The following DIAPH2 variants were observed in gnomAD, a reference collection of about 807,000 sequenced individuals.
DIAPH2 encodes protein diaphanous homolog 2.
DIAPH2 carries 35 observed loss-of-function variants against 92.7 expected under a neutral mutation model. The ratio of observed to expected loss-of-function variants is 0.38; its 90% confidence interval spans 0.29 to 0.50. DIAPH2 has a LOEUF of 0.50. Among genes scored for constraint, DIAPH2 ranks in the 20% least tolerant of loss-of-function variants. DIAPH2 has a pLI of 0.94. For missense variants in DIAPH2, 701 were observed against 819.5 expected (o/e 0.86, Z 1.77); for synonymous variants, 301 against 280.4 (o/e 1.07, Z -0.73).
At chrX:96,767,737 T>C (rs1430184406) in intron 4 of DIAPH2, among the ~76,000 whole-genome samples, 1 of 112,028 alleles carries the variant, frequency 8.9e-6, no homozygotes, top group Non-Finnish European at 1.9e-5. Context: ...TTCAGCTGGA[T>C]GCTGGAAGGA....
chrX:97,276,676 C>T (rs930177490), intron 23 of DIAPH2, among the ~76,000 whole-genome samples: 8 of 112,036 alleles, frequency 7.1e-5, no homozygotes, highest in South Asian at 3.7e-4. Context: ...TAATGCAAGC[C>T]GAAACATACT....
chrX:97,175,772 T>C (rs2067486833), intron 22 of DIAPH2, among the ~76,000 whole-genome samples: 1 of 112,407 alleles, frequency 8.9e-6, no homozygotes, highest in Admixed American at 9.5e-5. Flanking sequence ...CTACTTGCTC[T>C]GGTAAATTCA....
At chrX:97,296,908 G>A (rs1465733098) in intron 23 of DIAPH2, among the ~76,000 whole-genome samples, 1 of 108,886 alleles carries the variant, frequency 9.2e-6, no homozygotes, top group Non-Finnish European at 1.9e-5. Context: ...CTCCCAAGTA[G>A]CTGGGATTAC....
chrX:96,930,988 C>T (rs1268009470), intron 10 of DIAPH2, 145 bp downstream of exon 10: 25 of 548,273 alleles, frequency 4.6e-5, no homozygotes, highest in Non-Finnish European at 5.5e-5. Flanking sequence ...TTTTGTATTC[C>T]AGTAATAGCA....
chrX:97,359,221 T>C lies in DIAPH2; in HGVS notation c.3009+10941T>C, dbSNP rs754486385. 3.6e-5 allele frequency among the ~76,000 whole-genome samples: 4 copies of C among 111,952 alleles called. No individual in the cohort carries two copies. The South Asian group carries it at 1.5e-3, about 42-fold the overall frequency. ...GGGCCTTAAATCAGTAATTGGTGAC[T>C]GTCCAGTTAGGCTATTCACACTAGT... On this transcript the variant is annotated intron_variant, in intron 24 of 26. Transcript: ENST00000324765.
At chrX:97,081,595 G>T (rs1272670156) in intron 19 of DIAPH2, 2 of 110,883 alleles carry the variant, frequency 1.8e-5, no homozygotes, top group Non-Finnish European at 3.8e-5. Flanking sequence ...TGAAGCGGGT[G>T]GATCACATGA....
In DIAPH2 at chrX:97,262,827, C is replaced by T. The variant is rs760198014; in HGVS notation, c.2844+14988C>T. ...ATGAACAGACGGAGAAGAGAGAGGTCCAAGGACTCAGGTCTGGAGTACTCC... is the reference window on the plus strand; with the variant it reads ...ATGAACAGACGGAGAAGAGAGAGGTTCAAGGACTCAGGTCTGGAGTACTCC... On this transcript the variant is annotated intron_variant, in intron 23 of 26. Coordinates refer to ENST00000324765, the MANE Select transcript of DIAPH2 (RefSeq NM_006729.5). Among the ~76,000 whole-genome samples, 34 of 111,490 alleles carry T rather than the reference C, an allele frequency of 3.0e-4. No homozygotes were observed. The South Asian group carries it at 0.013, about 42-fold the overall frequency.
chrX:97,492,776 G>A (rs1569411032), intron 26 of DIAPH2, among the ~76,000 whole-genome samples: 1 of 111,645 alleles, frequency 9.0e-6, no homozygotes, highest in Non-Finnish European at 1.9e-5. Context: ...GTCTTATTGA[G>A]GACTCACTTT....
Position 97,167,637 on chromosome X carries a change from G to T in DIAPH2, c.2719+25843G>T, listed in dbSNP as rs772188939. Reference sequence around the variant, plus strand: ...AAGGTTAGAATCATTAGGTCATTATGTCTCTTCAATTACTAGATAACATCA... The same window carrying T: ...AAGGTTAGAATCATTAGGTCATTATTTCTCTTCAATTACTAGATAACATCA... On this transcript the variant is annotated intron_variant, in intron 22 of 26. Transcript: ENST00000324765. Among the ~76,000 whole-genome samples, 33 of 111,601 alleles carry T rather than the reference G, an allele frequency of 3.0e-4. 1 individual carries two copies. Among genetic ancestry groups the T allele is most frequent in the African/African-American group, 9.1e-4 (28 of 30,762 alleles).
At chrX:97,561,526 T>C (rs1436485557) in intron 26 of DIAPH2, among the ~76,000 whole-genome samples, 2 of 112,483 alleles carry the variant, frequency 1.8e-5, no homozygotes, top group Non-Finnish European at 3.8e-5. Flanking sequence ...CTCTTTTAAA[T>C]CGCCCTGTAC....
At chrX:97,114,032 A>G (rs901095696) in intron 20 of DIAPH2, among the ~76,000 whole-genome samples, 3 of 111,982 alleles carry the variant, frequency 2.7e-5, no homozygotes, top group African/African-American at 9.7e-5. Flanking sequence ...GCTATGAAAC[A>G]AGTAATTAAA....
chrX:96,885,851 G>A lies in DIAPH2; in HGVS notation c.587+4133G>A, dbSNP rs754659313. 1.3e-3 allele frequency among the ~76,000 whole-genome samples: 143 copies of A among 111,183 alleles called. 1 individual carries two copies. Among genetic ancestry groups the A allele is most frequent in the African/African-American group, 4.2e-3 (129 of 30,702 alleles). On this transcript the variant is annotated intron_variant, in intron 5 of 26. Transcript: ENST00000324765. ...AGAGTTTCTGTAAGTTTGATGTGCTGGTGTATTATTTATTTTACTAAATGC... is the reference window on the plus strand; with the variant it reads ...AGAGTTTCTGTAAGTTTGATGTGCTAGTGTATTATTTATTTTACTAAATGC...
In DIAPH2 at chrX:96,930,730, C is replaced by A. The variant is rs1190520893; in HGVS notation, c.979-3C>A. Reference sequence around the variant, plus strand: ...TAAAACAAAATTTGCTTTCTAATTGCAGGTGGCCTGCATGCAGTTTATAAA... The same window carrying A: ...TAAAACAAAATTTGCTTTCTAATTGAAGGTGGCCTGCATGCAGTTTATAAA... On this transcript the variant is annotated splice_polypyrimidine_tract_variant and splice_region_variant and intron_variant, in intron 9 of 26. Transcript: ENST00000324765. 1.7e-6 allele frequency: 2 copies of A among 1,192,409 alleles called. No homozygotes were observed. Among genetic ancestry groups the A allele is most frequent in the Non-Finnish European group, 1.1e-6 (1 of 886,477 alleles).
intron 23 of DIAPH2, among the ~76,000 whole-genome samples, chrX:97,300,415 A>G (rs1696955435): frequency 9.0e-6 from 1 of 110,909 alleles, no homozygotes; most frequent in Admixed American, 9.7e-5. Context: ...GGAAAAAGAA[A>G]TAACATTTTC....
intron 4 of DIAPH2, among the ~76,000 whole-genome samples, chrX:96,782,254 A>G (rs2064423031): frequency 9.0e-6 from 1 of 111,678 alleles, no homozygotes; most frequent in Non-Finnish European, 1.9e-5. Context: ...GCATGCCACC[A>G]CACCCGGCCA....
At chrX:97,355,621 C>A (rs1046455154) in intron 24 of DIAPH2, among the ~76,000 whole-genome samples, 1 of 111,065 alleles carries the variant, frequency 9.0e-6, no homozygotes, top group Non-Finnish European at 1.9e-5. Flanking sequence ...AGCTGCAAGA[C>A]CGTGATGTGC....
chrX:97,442,175 T>A (rs1371082330), intron 26 of DIAPH2: 1 of 113,128 alleles, frequency 8.8e-6, no homozygotes, highest in African/African-American at 3.2e-5. Flanking sequence ...AGAATATGAT[T>A]ATAGCAGGCT....
intron 26 of DIAPH2, among the ~76,000 whole-genome samples, chrX:97,568,271 G>A (rs901450902): frequency 8.2e-5 from 9 of 110,362 alleles, no homozygotes; most frequent in African/African-American, 1.3e-4. Context: ...TGATAAAACC[G>A]TTTGAGGGTT....
At chrX:97,129,156 T>C (rs1324684678) in intron 21 of DIAPH2, among the ~76,000 whole-genome samples, 92 of 99,842 alleles carry the variant, frequency 9.2e-4, no homozygotes, top group African/African-American at 3.7e-3. Context: ...CTTTCTTTTC[T>C]TTTCTTTTCT....
Sources: gnomAD v4.1 joint callset for allele counts (sites outside exome capture counted in the v4.1 genomes callset) on GRCh38, gnomAD v4.1.1 for gene constraint, MANE v1.5 for transcripts, NCBI Gene and HGNC (gene_info 2026-07-23, HGNC 2026-07-21) for gene names.